The following PAMR1 variants were observed in gnomAD, a reference collection of about 807,000 sequenced individuals.
PAMR1 encodes the protein peptidase domain containing associated with muscle regeneration 1.
A neutral mutation model predicts 81.8 loss-of-function variants in PAMR1; 88 were observed. The observed-to-expected ratio is 1.08, with a 90% confidence interval of 0.91 to 1.28. The LOEUF is 1.28. Ranked by LOEUF, PAMR1 falls within the 50% of genes most tolerant of loss-of-function variation. PAMR1 has a pLI of 0.00. For synonymous variants in PAMR1, 336 were observed against 345.3 expected (o/e 0.97, Z 0.30); for missense variants, 935 against 919.7 (o/e 1.02, Z -0.21).
intron 3 of PAMR1, among the ~76,000 whole-genome samples, chr11:35,477,004 A>T (rs910640060): frequency 1.3e-5 from 2 of 152,120 alleles, no homozygotes; most frequent in Non-Finnish European, 2.9e-5. Context: ...ACTCCAGCCT[A>T]GGTGACAGAG....
Position 35,494,218 on chromosome 11 carries a change from C to G in PAMR1, c.128G>C (p.Arg43Pro), listed in dbSNP as rs1380324379. 1.9e-6 allele frequency: 3 copies of G among 1,613,998 alleles called. No individual in the cohort carries two copies. The highest frequency in any genetic ancestry group is 2.5e-6 in the Non-Finnish European group (3 of 1,179,986). ...AATCTGATCATATTCACAGCACTCC[C>G]GACACATGATATTCCACTCTGCTCC... ...CPGAEWNIMC[R>P]ECCEYDQIEC... The change falls in exon 2 of 11, where the codon CGG (arginine) becomes CCG (proline). Residue 43 changes from arginine (R) to proline (P), a missense_variant. Transcript: ENST00000619888.
chr11:35,484,969 A>T (rs1850471012), intron 3 of PAMR1, among the ~76,000 whole-genome samples: 1 of 152,230 alleles, frequency 6.6e-6, no homozygotes, highest in Admixed American at 6.5e-5. Context: ...AAACCCTAAG[A>T]GGAAGCCTTG....
chr11:35,484,271 C>G (rs1850458059), intron 3 of PAMR1, among the ~76,000 whole-genome samples: 3 of 152,224 alleles, frequency 2.0e-5, no homozygotes, highest in Admixed American at 1.3e-4. Context: ...ATTGGGTAAC[C>G]TTGCCCAAAG....
intron 1 of PAMR1, among the ~76,000 whole-genome samples, chr11:35,525,099 T>A (rs2135430923): frequency 6.6e-6 from 1 of 152,238 alleles, no homozygotes; most frequent in East Asian, 1.9e-4. Context: ...TTTCTTTCCC[T>A]CTCTTCTTTC....
Position 35,470,753 on chromosome 11 carries a change from C to T in PAMR1, c.560G>A (p.Gly187Glu). Residue 187 changes from glycine (G) to glutamate (E), a missense_variant, in exon 5 of 11, where the codon GGA (glycine) becomes GAA (glutamate). Transcript: ENST00000619888. ...GATGATCTGGCCATCGCGGTTGTCT[C>T]CATCACGAACCTCAACATAGTCATA... ...CQYDYVEVRD[G>E]DNRDGQIIKR... is the part of the protein sequence containing the mutation. 1 of 1,614,096 alleles carries T rather than the reference C, an allele frequency of 6.2e-7. No homozygotes were observed. The highest frequency in any genetic ancestry group is 8.5e-7 in the Non-Finnish European group (1 of 1,179,990).
At chr11:35,508,516 ATTTTTTTT>A (rs59836040) in intron 1 of PAMR1, among the ~76,000 whole-genome samples, 1 of 98,052 alleles carries the variant, frequency 1.0e-5, no homozygotes, top group Non-Finnish European at 1.9e-5. Flanking sequence ...AGGAACCTCC[ATTTTTTTT>A]TTTTTTTTTT....
rs545237815 is a variant in PAMR1, at chr11:35,494,401, T to G, written c.74-129A>C. ...CAGGCTGGAGTGCAGTGGCGCGATC[T>G]CGGCTCACTGTAAGCTCTGCCTCCC... On this transcript the variant is annotated intron_variant, in intron 1 of 10. Transcript: ENST00000619888. 5 of 718,276 alleles carry G rather than the reference T, an allele frequency of 7.0e-6. No individual in the cohort carries two copies. The African/African-American group carries it at 8.7e-5, about 13-fold the overall frequency. The allele number at this position is 718,276 out of a possible 1,614,324, so 44.5% of individuals were successfully genotyped here.
At chr11:35,444,501 T>C (rs185363090) in intron 6 of PAMR1, among the ~76,000 whole-genome samples, 2 of 152,332 alleles carry the variant, frequency 1.3e-5, no homozygotes, top group African/African-American at 4.8e-5. Flanking sequence ...CATTTTTCCA[T>C]CTTGAGTTAA....
intron 6 of PAMR1, among the ~76,000 whole-genome samples, chr11:35,465,854 T>G (rs1170202688): frequency 6.6e-6 from 1 of 152,264 alleles, no homozygotes; most frequent in African/African-American, 2.4e-5. Context: ...AATTAAGTTA[T>G]GAATCAGTTC....
chr11:35,513,297 C>A (rs1365592167), intron 1 of PAMR1: 4 of 152,164 alleles, frequency 2.6e-5, no homozygotes, highest in African/African-American at 9.7e-5. Flanking sequence ...TTACAACAAC[C>A]CTATAGCATA....
chr11:35,475,164 G>A (rs1850263510), intron 3 of PAMR1, among the ~76,000 whole-genome samples: 2 of 152,156 alleles, frequency 1.3e-5, no homozygotes, highest in Admixed American at 1.3e-4. Context: ...GGCTCAGAAA[G>A]TAGACCCTCC....
chr11:35,522,944 C>T (rs1233295733), intron 1 of PAMR1, among the ~76,000 whole-genome samples: 1 of 152,206 alleles, frequency 6.6e-6, no homozygotes, highest in Non-Finnish European at 1.5e-5. Context: ...TTAATCTCTT[C>T]ATCCTCTGAA....
At chr11:35,480,609 T>C (rs1407681430) in intron 3 of PAMR1, among the ~76,000 whole-genome samples, 1 of 152,228 alleles carries the variant, frequency 6.6e-6, no homozygotes, top group Non-Finnish European at 1.5e-5. Flanking sequence ...AGTTGGTTTC[T>C]TTTTTATTGT....
intron 6 of PAMR1, among the ~76,000 whole-genome samples, chr11:35,465,133 T>G (rs546200198): frequency 6.6e-6 from 1 of 152,220 alleles, no homozygotes; most frequent in African/African-American, 2.4e-5. Flanking sequence ...TGGGGACCAG[T>G]GTCTTGCATT....
In PAMR1 at chr11:35,462,721, G is replaced by A. The variant is rs560057867; in HGVS notation, c.820+5280C>T. Among the ~76,000 whole-genome samples, 18 of 152,292 alleles carry A rather than the reference G, an allele frequency of 1.2e-4. No homozygotes were observed. In the South Asian group the frequency reaches 3.1e-3, roughly 26 times the overall value. On this transcript the variant is annotated intron_variant, in intron 6 of 10. Transcript: ENST00000619888. Reference sequence around the variant, plus strand: ...TCCCCTCCCTACAAACACCCTAAGAGGAATTTGGTATTATTTTTCTGGAGG... The same window carrying A: ...TCCCCTCCCTACAAACACCCTAAGAAGAATTTGGTATTATTTTTCTGGAGG...
At chr11:35,499,236 T>C (rs1207823530) in intron 1 of PAMR1, among the ~76,000 whole-genome samples, 1 of 152,086 alleles carries the variant, frequency 6.6e-6, no homozygotes, top group Admixed American at 6.5e-5. Context: ...CAGCGAGGTA[T>C]CTAGACATGG....
chr11:35,481,222 G>C (rs2135389083), intron 3 of PAMR1, among the ~76,000 whole-genome samples: 1 of 152,288 alleles, frequency 6.6e-6, no homozygotes, highest in South Asian at 2.1e-4. Flanking sequence ...TATACACCCA[G>C]TAATGGAACT....
At chr11:35,483,615 C>G (rs2135391516) in intron 3 of PAMR1, among the ~76,000 whole-genome samples, 1 of 152,244 alleles carries the variant, frequency 6.6e-6, no homozygotes, top group African/African-American at 2.4e-5. Flanking sequence ...TATGAAGCAT[C>G]CCGAATCTCT....
chr11:35,454,043 T>A (rs1856474786), intron 6 of PAMR1, among the ~76,000 whole-genome samples: 1 of 152,238 alleles, frequency 6.6e-6, no homozygotes, highest in African/African-American at 2.4e-5. Context: ...ATTTTTGTTT[T>A]TTTTCCTCCA....
Sources: allele counts gnomAD v4.1 joint callset (sites outside exome capture counted in the v4.1 genomes callset), GRCh38; gene constraint gnomAD v4.1.1; transcripts MANE v1.5; gene names NCBI Gene and HGNC (gene_info 2026-07-23, HGNC 2026-07-21).